Variants in PCDHGB2 observed in about 807,000 individuals in gnomAD.
The protein encoded by PCDHGB2 is protocadherin gamma-B2.
In PCDHGB2, 55 loss-of-function variants were observed where a neutral mutation model predicts 59.3. That is an observed-to-expected ratio of 0.93 (90% CI 0.75 to 1.16). The LOEUF (loss-of-function observed/expected upper bound fraction) is 1.16. PCDHGB2 is among the 50% of genes most tolerant of loss of function. The pLI is 0.00. For synonymous variants in PCDHGB2, 516 were observed against 512.0 expected (o/e 1.01, Z -0.11); for missense variants, 1,228 against 1,198.5 (o/e 1.02, Z -0.36).
intron 1 of PCDHGB2, among the ~76,000 whole-genome samples, chr5:141,446,698 G>A (rs750413432): frequency 2.0e-5 from 3 of 152,186 alleles, no homozygotes; most frequent in Admixed American, 6.5e-5. Flanking sequence ...GGCTGGTCTC[G>A]AACTCTGATC....
At chr5:141,370,490 G>T (rs780342479) in intron 1 of PCDHGB2, 6 of 1,613,894 alleles carry the variant, frequency 3.7e-6, no homozygotes, top group Non-Finnish European at 5.1e-6. Context: ...TCTCCGAACC[G>T]ATCCGCTACG....
At position 141,360,645 on chromosome 5, in the gene PCDHGB2, C is replaced by A. The variant is rs1263942255; in HGVS notation, c.510C>A (p.Tyr170Ter). The A allele has an allele frequency of 6.2e-7, 1 of 1,613,862 alleles. No individual in the cohort carries two copies. The highest frequency in any genetic ancestry group is 8.5e-7 in the Non-Finnish European group (1 of 1,179,910). Reference sequence around the variant, plus strand: ...TTGGTCCTAACTCACTACAAAGATACCACCTTAATGACAACGAGTACTTTG... The same window carrying A: ...TTGGTCCTAACTCACTACAAAGATAACACCTTAATGACAACGAGTACTTTG... ...SDVGPNSLQR[Y>*]HLNDNEYFDL... is the part of the protein sequence containing the mutation. The change falls in exon 1 of 4, where the codon TAC becomes TAA. Residue 170 changes from tyrosine to a stop codon, truncating the protein, a stop_gained. Coordinates refer to ENST00000522605, the MANE Select transcript of PCDHGB2 (RefSeq NM_018923.3). LOFTEE classifies it high-confidence loss of function.
Position 141,361,556 on chromosome 5 carries a change from T to A in PCDHGB2, c.1421T>A (p.Ile474Asn). The A allele has an allele frequency of 6.2e-7, 1 of 1,614,058 alleles. No homozygotes were observed. Among genetic ancestry groups the A allele is most frequent in the Non-Finnish European group, 8.5e-7 (1 of 1,179,896 alleles). ...NNPPGASIAQISASDPDLGPS... is the reference protein window; with the variant it reads ...NNPPGASIAQNSASDPDLGPS... ...CCTCCTGGCGCCTCTATCGCTCAAA[T>A]CAGTGCCTCTGACCCTGACTTGGGC... is the stretch of plus-strand genomic sequence containing the variant. Residue 474 changes from isoleucine to asparagine, a missense_variant, in exon 1 of 4, where the codon ATC becomes AAC. By Grantham distance (149) the Ile-to-Asn change is moderately radical (BLOSUM62 -3). This residue lies in a region of PCDHGB2 where 781 missense variants were observed against 721.6 expected (regional missense o/e 1.08). Transcript: ENST00000522605.
rs1299607088 is a variant in PCDHGB2 at position 141,472,933 on chromosome 5, C to T, written c.2422-21874C>T. ...CCCAAGAGGAGGAGGTTGTGGTGAG[C>T]CAAGATTATGCCATTGCACTCCAGC... On this transcript the variant is annotated intron_variant, in intron 1 of 3. Coordinates refer to ENST00000522605, the MANE Select transcript of PCDHGB2 (RefSeq NM_018923.3). Among the ~76,000 whole-genome samples, 4 of 143,758 alleles carry T rather than the reference C, an allele frequency of 2.8e-5. No individual in the cohort carries two copies. In the Admixed American group the frequency reaches 2.9e-4, roughly 10 times the overall value. 94.3% of individuals were successfully genotyped at this position (143,758 alleles called of 152,430 possible). A position where few individuals can be genotyped will look rare whatever the true frequency, so the allele number is the denominator to read the frequency against.
chr5:141,409,686 A>T, intron 1 of PCDHGB2: 3 of 1,613,350 alleles, frequency 1.9e-6, no homozygotes, highest in Non-Finnish European at 2.5e-6. Context: ...GTGGCGAGTG[A>T]CCTAGAGCCC....
In PCDHGB2 at chr5:141,476,504, G is replaced by A; in HGVS notation, c.2422-18303G>A. On this transcript the variant is annotated intron_variant, in intron 1 of 3. Coordinates refer to ENST00000522605, the MANE Select transcript of PCDHGB2 (RefSeq NM_018923.3). This position sits in a 1 kb window ranked among gnomAD's most constrained non-coding sequence, Gnocchi z 7.6. ...GGAAGTGGTGATCCAGGACATCAAC[G>A]ACAACAATCCTGCTTTCCCTACCCA... The A allele has an allele frequency of 6.2e-7, 1 of 1,614,098 alleles. No individual in the cohort carries two copies. The highest frequency in any genetic ancestry group is 2.2e-5 in the East Asian group (1 of 44,854).
At chr5:141,447,938 T>G in intron 1 of PCDHGB2, among the ~76,000 whole-genome samples, 1 of 151,870 alleles carries the variant, frequency 6.6e-6, no homozygotes, top group Admixed American at 6.6e-5. Flanking sequence ...ATACAAAAAT[T>G]AGCTGGGCAT....
At chr5:141,433,044 A>T in intron 1 of PCDHGB2, 2 of 1,613,972 alleles carry the variant, frequency 1.2e-6, no homozygotes, top group Non-Finnish European at 8.5e-7. Flanking sequence ...CTCACCACGG[A>T]CTCGCGGAAG....
Position 141,376,503 on chromosome 5 carries a change from T to C in PCDHGB2, c.2421+13947T>C, listed in dbSNP as rs192154001. 1.1e-5 allele frequency: 17 copies of C among 1,614,052 alleles called. No homozygotes were observed. In the African/African-American group the frequency reaches 2.1e-4, roughly 20 times the overall value. ...GAAACGAAAGGAGAACCCAGGCAAC[T>C]TCAGGTGAGTTTCTTTCCGCCTAAG... is the stretch of plus-strand genomic sequence containing the variant. On this transcript the variant is annotated intron_variant, in intron 1 of 3. Transcript: ENST00000522605.
chr5:141,428,508 T>G, intron 1 of PCDHGB2: 1 of 279,550 alleles, frequency 3.6e-6, no homozygotes, highest in South Asian at 4.0e-5. Flanking sequence ...CCTCGGATTC[T>G]AGAAAAAGAA....
At chr5:141,399,901 G>A (rs767228671) in intron 1 of PCDHGB2, 42 of 1,612,296 alleles carry the variant, frequency 2.6e-5, no homozygotes, top group African/African-American at 1.3e-5. Flanking sequence ...GGCCGTGGAC[G>A]CAGACTCAGG....
At chr5:141,370,921 C>G in intron 1 of PCDHGB2, 1 of 1,613,978 alleles carries the variant, frequency 6.2e-7, no homozygotes, top group Non-Finnish European at 8.5e-7. Flanking sequence ...AGCCCTGATC[C>G]GCACTTCTCT....
rs1160642304 is a variant in PCDHGB2 at position 141,415,415 on chromosome 5, T to C, written c.2421+52859T>C. 7 of 1,614,084 alleles carry C rather than the reference T, an allele frequency of 4.3e-6. No individual in the cohort carries two copies. In the Admixed American group the frequency reaches 8.3e-5, roughly 19 times the overall value. Reference sequence around the variant, plus strand: ...GTGTCCGGCTCGCACTTTGTGGGCGTGGACGGGGTTCGGGCTTTCCTGCAG... The same window carrying C: ...GTGTCCGGCTCGCACTTTGTGGGCGCGGACGGGGTTCGGGCTTTCCTGCAG... On this transcript the variant is annotated intron_variant, in intron 1 of 3. Coordinates refer to ENST00000522605, the MANE Select transcript of PCDHGB2 (RefSeq NM_018923.3).
chr5:141,459,862 C>T (rs931723906), intron 1 of PCDHGB2, among the ~76,000 whole-genome samples: 3 of 152,158 alleles, frequency 2.0e-5, no homozygotes, highest in East Asian at 1.9e-4. Context: ...TTGAAGCATT[C>T]GTTCATCTTT....
intron 1 of PCDHGB2, among the ~76,000 whole-genome samples, chr5:141,368,397 A>C (rs1389287908): frequency 1.3e-5 from 2 of 152,166 alleles, no homozygotes; most frequent in African/African-American, 4.8e-5. Flanking sequence ...ACACACAAAC[A>C]CACATACATA....
Position 141,486,886 on chromosome 5 carries a change from G to A in PCDHGB2, c.2422-7921G>A. The A allele has an allele frequency of 1.9e-6, 3 of 1,614,222 alleles. No individual in the cohort carries two copies. The highest frequency in any genetic ancestry group is 2.5e-6 in the Non-Finnish European group (3 of 1,180,044). ...CAGCTGTGCTCCGTCCTCGGGCCCGGCCTGGTTCCTTATGTCCCCAAGCAC... is the reference window on the plus strand; with the variant it reads ...CAGCTGTGCTCCGTCCTCGGGCCCGACCTGGTTCCTTATGTCCCCAAGCAC... On this transcript the variant is annotated intron_variant, in intron 1 of 3. Coordinates refer to ENST00000522605, the MANE Select transcript of PCDHGB2 (RefSeq NM_018923.3). This position sits in a 1 kb window ranked among gnomAD's most constrained non-coding sequence, Gnocchi z 5.0.
intron 1 of PCDHGB2, chr5:141,408,754 T>G: frequency 6.2e-7 from 1 of 1,610,602 alleles, no homozygotes; most frequent in Non-Finnish European, 8.5e-7. Flanking sequence ...TGGTTAGAGT[T>G]AATTCCGATG....
intron 1 of PCDHGB2, among the ~76,000 whole-genome samples, chr5:141,462,203 G>A (rs544238255): frequency 2.6e-5 from 4 of 152,036 alleles, no homozygotes; most frequent in East Asian, 1.9e-4. Flanking sequence ...CAGGTGATCC[G>A]CCTGCCTCGG....
chr5:141,376,222 G>T (rs1485996653), intron 1 of PCDHGB2: 2 of 1,614,068 alleles, frequency 1.2e-6, no homozygotes, highest in East Asian at 2.2e-5. Flanking sequence ...TGCTGCTGGC[G>T]CTCAGACTGC....
Sources: gnomAD v4.1 joint callset for allele counts (sites outside exome capture counted in the v4.1 genomes callset) on GRCh38, gnomAD v4.1.1 for gene constraint, gnomAD v4.1.1 regional missense constraint, Gnocchi (gnomAD v3.1) non-coding constraint, MANE v1.5 for transcripts, NCBI Gene and HGNC (gene_info 2026-07-23, HGNC 2026-07-21) for gene names.